The following MLANA variants were observed in gnomAD, a reference collection of about 807,000 sequenced individuals.
MLANA encodes melanoma antigen recognized by T-cells 1.
MLANA carries 21 observed loss-of-function variants against 15.7 expected under a neutral mutation model. The observed-to-expected ratio is 1.33, with a 90% CI of 0.95 to 1.92. The LOEUF is 1.92. Ranked by LOEUF, MLANA falls within the 40% of genes most tolerant of loss-of-function variation. The pLI is 0.00. For synonymous variants in MLANA, 56 were observed against 51.5 expected (o/e 1.09, Z -0.37); for missense variants, 164 against 143.8 (o/e 1.14, Z -0.72).
Position 5,908,686 on chromosome 9 carries a change from C to A in MLANA, c.335C>A (p.Ser112Ter). The A allele has an allele frequency of 1.2e-6, 2 of 1,614,056 alleles. No homozygotes were observed. Among genetic ancestry groups the A allele is most frequent in the Non-Finnish European group, 1.7e-6 (2 of 1,179,954 alleles). ...PAYEKLSAEQ[S>*]PPPYSP ...TATGAGAAACTCTCTGCAGAACAGT[C>A]ACCACCACCTTATTCACCTTAAGAG... The change falls in exon 5 of 5, where the codon TCA (serine) becomes TAA (stop). Residue 112 changes from serine (S) to a stop codon, truncating the protein, a stop_gained. Coordinates refer to ENST00000381477, the MANE Select transcript of MLANA (RefSeq NM_005511.2). LOFTEE classifies it high-confidence loss of function.
At chr9:5,908,515 T>C (rs1832960189) in intron 4 of MLANA, 125 bp from the exon 5 acceptor site, 3 of 826,152 alleles carry the variant, frequency 3.6e-6, no homozygotes, top group South Asian at 1.7e-5. Context: ...AGAAATTATA[T>C]GGGAACACTT....
At chr9:5,907,171 A>G (rs1235026558) in intron 4 of MLANA, 173 bp downstream of exon 4, 3 of 383,600 alleles carry the variant, frequency 7.8e-6, no homozygotes, top group Non-Finnish European at 1.4e-5. Flanking sequence ...TTATGAGAAT[A>G]AAAAATAAAT....
In MLANA at chr9:5,908,958, G is replaced by A. The variant is rs1832993157; in HGVS notation, c.*250G>A. On this transcript the variant is annotated 3_prime_UTR_variant, in exon 5 of 5. Coordinates refer to ENST00000381477, the MANE Select transcript of MLANA (RefSeq NM_005511.2). ...AATGCATGATACTATCTGTGCCAGA[G>A]GTAATGTTAGTAAATCCATGGTGTT... 2.3e-6 allele frequency: 1 copy of A among 426,228 alleles called. No individual in the cohort carries two copies. Among genetic ancestry groups the A allele is most frequent in the Non-Finnish European group, 4.2e-6 (1 of 240,432 alleles). The allele number at this position is 426,228 out of a possible 1,614,324, so 26.4% of individuals were successfully genotyped here.
intron 3 of MLANA, among the ~76,000 whole-genome samples, chr9:5,899,954 G>A (rs1399641432): frequency 6.6e-6 from 1 of 152,138 alleles, no homozygotes; most frequent in African/African-American, 2.4e-5. Flanking sequence ...AATCTGTGAT[G>A]TAACACAATG....
chr9:5,901,969 T>C (rs1473543157), intron 3 of MLANA, among the ~76,000 whole-genome samples: 1 of 152,176 alleles, frequency 6.6e-6, no homozygotes, highest in African/African-American at 2.4e-5. Context: ...TATTGAGCTG[T>C]AGTTTTCTCT....
At chr9:5,901,769 G>C (rs529909754) in intron 3 of MLANA, among the ~76,000 whole-genome samples, 1 of 151,728 alleles carries the variant, frequency 6.6e-6, no homozygotes, top group African/African-American at 2.4e-5. Context: ...CAATCCACCT[G>C]CCTCAGCCTC....
At chr9:5,901,348 G>A (rs1055184195) in intron 3 of MLANA, among the ~76,000 whole-genome samples, 35 of 152,048 alleles carry the variant, frequency 2.3e-4, no homozygotes, top group African/African-American at 8.5e-4. Context: ...TTGATTTTTT[G>A]TACCTAGATA....
intron 3 of MLANA, among the ~76,000 whole-genome samples, chr9:5,901,824 A>G (rs913117760): frequency 6.6e-5 from 10 of 152,164 alleles, no homozygotes; most frequent in African/African-American, 2.2e-4. Flanking sequence ...GCCTGGCCTG[A>G]TTTCTCAATA....
intron 2 of MLANA, among the ~76,000 whole-genome samples, chr9:5,892,810 G>T (rs1831739313): frequency 6.6e-6 from 1 of 152,106 alleles, no homozygotes; most frequent in African/African-American, 2.4e-5. Context: ...TTGACTATTG[G>T]GTCTTATCTG....
chr9:5,899,321 T>C (rs556713036), intron 3 of MLANA: 4 of 152,268 alleles, frequency 2.6e-5, no homozygotes, highest in Non-Finnish European at 5.9e-5. Flanking sequence ...AAGGAGAAGG[T>C]GAGAGATACA....
At chr9:5,891,865 G>C (rs1219721435) in intron 1 of MLANA, among the ~76,000 whole-genome samples, 2 of 152,228 alleles carry the variant, frequency 1.3e-5, no homozygotes, top group African/African-American at 4.8e-5. Context: ...TGAAGCCCCT[G>C]TGTGGGGTGG....
chr9:5,906,851 C>T (rs1455554594), intron 3 of MLANA, 34 bp from the exon 4 acceptor site: 2 of 1,357,388 alleles, frequency 1.5e-6, no homozygotes, highest in Non-Finnish European at 2.0e-6. Context: ...GTTACTTCTT[C>T]TCACCCACTC....
intron 2 of MLANA, among the ~76,000 whole-genome samples, chr9:5,893,331 A>G (rs1197699866): frequency 6.6e-6 from 1 of 152,046 alleles, no homozygotes; most frequent in Non-Finnish European, 1.5e-5. Context: ...TCTGCGTGGG[A>G]CTCTAACAGG....
chr9:5,902,086 TA>T (rs1481226089), intron 3 of MLANA, among the ~76,000 whole-genome samples: 3 of 152,242 alleles, frequency 2.0e-5, no homozygotes, highest in African/African-American at 7.2e-5. Flanking sequence ...AGAATTGGTA[TA>T]ATATCTTTCT....
intron 3 of MLANA, among the ~76,000 whole-genome samples, chr9:5,903,642 G>C (rs370280270): frequency 6.6e-6 from 1 of 152,070 alleles, no homozygotes; most frequent in African/African-American, 2.4e-5. Context: ...TTTCCTTGCA[G>C]TTCTATCAGT....
rs925333802 is a variant in MLANA at position 5,894,040 on chromosome 9, C to A, written c.77+1489C>A. On this transcript the variant is annotated intron_variant, in intron 2 of 4. Transcript: ENST00000381477. The surrounding 1 kb of genome is among the most constrained non-coding windows in gnomAD (Gnocchi z 4.0). ...GGGATTTAAATCCAGGTCTGTTTGC[C>A]TCCAGAGTCCATGCTCTTAAGTGTT... Among the ~76,000 whole-genome samples, 4 of 152,106 alleles carry A rather than the reference C, an allele frequency of 2.6e-5. 1 individual carries two copies. The highest frequency in any genetic ancestry group is 2.9e-5 in the Non-Finnish European group (2 of 68,030).
Position 5,894,072 on chromosome 9 carries a change from C to T in MLANA, c.77+1521C>T, listed in dbSNP as rs1831846721. ...GTCCATGCTCTTAAGTGTTATGCTGCAGGCCAGCAGAGGCAAATATTTGCA... is the reference window on the plus strand; with the variant it reads ...GTCCATGCTCTTAAGTGTTATGCTGTAGGCCAGCAGAGGCAAATATTTGCA... On this transcript the variant is annotated intron_variant, in intron 2 of 4. Transcript: ENST00000381477. This position sits in a 1 kb window ranked among gnomAD's most constrained non-coding sequence, Gnocchi z 4.0. 6.6e-6 allele frequency among the ~76,000 whole-genome samples: 1 copy of T among 152,160 alleles called. No individual in the cohort carries two copies. The highest frequency in any genetic ancestry group is 1.5e-5 in the Non-Finnish European group (1 of 68,024).
intron 3 of MLANA, among the ~76,000 whole-genome samples, chr9:5,905,714 T>G (rs1832760013): frequency 6.6e-6 from 1 of 152,240 alleles, no homozygotes; most frequent in African/African-American, 2.4e-5. Context: ...CTTTGCCATG[T>G]CCTGCCTTTT....
intron 3 of MLANA, among the ~76,000 whole-genome samples, chr9:5,899,970 C>A (rs1832310870): frequency 1.3e-5 from 2 of 152,112 alleles, no homozygotes; most frequent in Admixed American, 6.5e-5. Context: ...CAATGTATAT[C>A]CATTTTTATT....
Sources: gnomAD v4.1 joint callset for allele counts (sites outside exome capture counted in the v4.1 genomes callset) on GRCh38, gnomAD v4.1.1 for gene constraint, Gnocchi (gnomAD v3.1) non-coding constraint, MANE v1.5 for transcripts, NCBI Gene and HGNC (gene_info 2026-07-23, HGNC 2026-07-21) for gene names.